ARHGAP26: variants seen among roughly 807,000 people sequenced by gnomAD.
ARHGAP26 encodes rho GTPase-activating protein 26.
A neutral mutation model predicts 104.8 loss-of-function variants in ARHGAP26; 38 were observed. The ratio of observed to expected loss-of-function variants is 0.36; its 90% confidence interval spans 0.28 to 0.48. The LOEUF is 0.48. ARHGAP26 is among the 20% of genes least tolerant of loss of function. The probability of loss-of-function intolerance (pLI) is 0.99; values close to 1 mark genes in which losing one functional copy is unlikely to be tolerated. For missense variants in ARHGAP26, 704 were observed against 947.9 expected (o/e 0.74, Z 3.38); for synonymous variants, 341 against 340.0 (o/e 1.00, Z -0.03).
At chr5:143,092,346 A>G (rs2150536466) in intron 17 of ARHGAP26, among the ~76,000 whole-genome samples, 1 of 152,078 alleles carries the variant, frequency 6.6e-6, no homozygotes, top group African/African-American at 2.4e-5. Flanking sequence ...TTGTATTTTT[A>G]GTAGAGACAG....
At chr5:142,938,182 G>T (rs539880844) in intron 11 of ARHGAP26, among the ~76,000 whole-genome samples, 1 of 152,160 alleles carries the variant, frequency 6.6e-6, no homozygotes, top group Admixed American at 6.5e-5. Context: ...TGGATTATGG[G>T]GGGGGAAGTA....
chr5:142,847,181 ATGTT>A (rs759681241), intron 1 of ARHGAP26, among the ~76,000 whole-genome samples: 30 of 152,296 alleles, frequency 2.0e-4, no homozygotes, highest in Admixed American at 9.8e-4. Flanking sequence ...AAATGAAACA[ATGTT>A]TGTAAATTTC....
intron 20 of ARHGAP26, chr5:143,164,825 G>C (rs1235660253): frequency 1.3e-5 from 2 of 152,106 alleles, no homozygotes; most frequent in Non-Finnish European, 2.9e-5. Flanking sequence ...TAACCCACTG[G>C]CCTTGGCACA....
chr5:143,134,435 A>G (rs1055094523), intron 19 of ARHGAP26, among the ~76,000 whole-genome samples: 2 of 152,038 alleles, frequency 1.3e-5, no homozygotes, highest in Non-Finnish European at 2.9e-5. Context: ...TTTGTTAGCA[A>G]TTCCCATAGA....
intron 17 of ARHGAP26, among the ~76,000 whole-genome samples, chr5:143,086,794 T>C (rs1000314106): frequency 6.6e-6 from 1 of 152,192 alleles, no homozygotes; most frequent in African/African-American, 2.4e-5. Flanking sequence ...AGGGGTCTTA[T>C]TACTACAGAA....
At chr5:142,901,777 G>C (rs1033792711) in intron 6 of ARHGAP26, among the ~76,000 whole-genome samples, 158 bp from the exon 7 acceptor site, 1 of 152,240 alleles carries the variant, frequency 6.6e-6, no homozygotes, top group African/African-American at 2.4e-5. Flanking sequence ...GGGCATGGAA[G>C]GGCATAGTGC....
At chr5:143,085,818 G>A (rs764838510) in intron 17 of ARHGAP26, among the ~76,000 whole-genome samples, 18 of 152,216 alleles carry the variant, frequency 1.2e-4, no homozygotes, top group African/African-American at 2.4e-4. Flanking sequence ...CTCCTTAACC[G>A]AAAGAATGTC....
At position 143,012,050 on chromosome 5, in the gene ARHGAP26, A is replaced by G. The variant is rs1240206262; in HGVS notation, c.1108-2030A>G. Among the ~76,000 whole-genome samples, 3 of 152,160 alleles carry G rather than the reference A, an allele frequency of 2.0e-5. No individual in the cohort carries two copies. The East Asian group carries it at 5.8e-4, about 29-fold the overall frequency. ...AAAGTTCAGCAAGATGAAGTTACCA[A>G]TGGGGAAGCCCAGGCCAGGATCAAA... On this transcript the variant is annotated intron_variant, in intron 11 of 22. Transcript: ENST00000645722.
intron 22 of ARHGAP26, among the ~76,000 whole-genome samples, chr5:143,218,055 C>A (rs1357019359): frequency 6.6e-6 from 1 of 152,188 alleles, no homozygotes; most frequent in African/African-American, 2.4e-5. Context: ...ACCTGCCAGT[C>A]AAATCCAACC....
chr5:142,952,999 G>C (rs1768630159), intron 11 of ARHGAP26, among the ~76,000 whole-genome samples: 1 of 152,148 alleles, frequency 6.6e-6, no homozygotes, highest in Non-Finnish European at 1.5e-5. Flanking sequence ...ATGAGTCACA[G>C]CACCCGGCCC....
chr5:143,063,274 T>C (rs1323603280), intron 17 of ARHGAP26, among the ~76,000 whole-genome samples: 1 of 152,220 alleles, frequency 6.6e-6, no homozygotes. Context: ...TCAGTACTCC[T>C]GTAGTCCAAG....
intron 17 of ARHGAP26, among the ~76,000 whole-genome samples, chr5:143,107,432 C>A (rs1028026298): frequency 2.6e-5 from 4 of 152,086 alleles, no homozygotes; most frequent in Non-Finnish European, 5.9e-5. Context: ...TCATTCTGTC[C>A]TTGAAGTGCC....
At chr5:142,953,320 G>A (rs139865394) in intron 11 of ARHGAP26, among the ~76,000 whole-genome samples, 1 of 152,268 alleles carries the variant, frequency 6.6e-6, no homozygotes, top group East Asian at 1.9e-4. Context: ...AAACAGATTG[G>A]TCACCTGCAC....
At chr5:143,180,193 T>A (rs929963748) in intron 20 of ARHGAP26, among the ~76,000 whole-genome samples, 1 of 152,190 alleles carries the variant, frequency 6.6e-6, no homozygotes, top group Non-Finnish European at 1.5e-5. Context: ...TGGTGCGATC[T>A]TGGCTCACTG....
intron 17 of ARHGAP26, among the ~76,000 whole-genome samples, chr5:143,094,654 A>C (rs554817927): frequency 6.6e-6 from 1 of 152,320 alleles, no homozygotes; most frequent in Admixed American, 6.5e-5. Context: ...TGGACAAGGG[A>C]GGGGAAAGCC....
intron 18 of ARHGAP26, among the ~76,000 whole-genome samples, chr5:143,123,662 G>A (rs1046742228): frequency 1.3e-5 from 2 of 152,016 alleles, no homozygotes; most frequent in Non-Finnish European, 2.9e-5. Context: ...AACCAGCCTG[G>A]GCAAAATAGC....
intron 1 of ARHGAP26, among the ~76,000 whole-genome samples, chr5:142,783,408 C>T (rs1757912758): frequency 6.6e-6 from 1 of 152,182 alleles, no homozygotes; most frequent in African/African-American, 2.4e-5. Context: ...ACTGTATTCC[C>T]ACAGTGAGTC....
intron 1 of ARHGAP26, among the ~76,000 whole-genome samples, chr5:142,823,007 T>A (rs776273669): frequency 6.6e-6 from 1 of 152,226 alleles, no homozygotes; most frequent in Non-Finnish European, 1.5e-5. Context: ...GCAGCTATCA[T>A]TTATTGTATG....
intron 20 of ARHGAP26, among the ~76,000 whole-genome samples, chr5:143,168,214 T>G (rs918908715): frequency 6.6e-6 from 1 of 152,332 alleles, no homozygotes. Context: ...GCTTCTCATC[T>G]GTAATATTAC....
Sources: gnomAD v4.1 joint callset for allele counts (sites outside exome capture counted in the v4.1 genomes callset) on GRCh38, gnomAD v4.1.1 for gene constraint, MANE v1.5 for transcripts, NCBI Gene and HGNC (gene_info 2026-07-23, HGNC 2026-07-21) for gene names.